TIAM1: variants seen among roughly 807,000 people sequenced by gnomAD.
The protein encoded by TIAM1 is TIAM Rac1 associated GEF 1, also known as rho guanine nucleotide exchange factor TIAM1.
In TIAM1, 65 loss-of-function variants were observed where a neutral mutation model predicts 163.5. The observed-to-expected ratio is 0.40, with a 90% confidence interval of 0.33 to 0.49. The LOEUF is 0.49. Ranked by LOEUF, TIAM1 falls within the 20% of genes least tolerant of loss-of-function variation. TIAM1 has a pLI of 0.77. For missense variants in TIAM1, 1,789 were observed against 2,044.7 expected, an observed-to-expected ratio of 0.87 and a Z score of 2.41; for synonymous variants, 833 against 810.1, an observed-to-expected ratio of 1.03 and a Z score of -0.48.
intron 10 of TIAM1, among the ~76,000 whole-genome samples, chr21:31,210,570 GAAAGAAAGAAA>G (rs2086684483): frequency 8.6e-6 from 1 of 115,936 alleles, no homozygotes; most frequent in Non-Finnish European, 1.6e-5. Context: ...AAGAAAGAAA[GAAAGAAAGAAA>G]GAAAGAAAGA....
chr21:31,125,913 A>C (rs1348142898), intron 26 of TIAM1, among the ~76,000 whole-genome samples: 4 of 152,214 alleles, frequency 2.6e-5, no homozygotes, highest in Non-Finnish European at 5.9e-5. Context: ...GCTAAGTACC[A>C]TCTCTAAGCC....
At chr21:31,425,058 A>AC (rs1723448908) in intron 2 of TIAM1, among the ~76,000 whole-genome samples, 1 of 139,274 alleles carries the variant, frequency 7.2e-6, no homozygotes, top group African/African-American at 3.0e-5. Flanking sequence ...GTCTCAAACA[A>AC]AAAAAAAAAA....
chr21:31,406,251 T>C (rs1430336993), intron 2 of TIAM1, among the ~76,000 whole-genome samples: 1 of 151,300 alleles, frequency 6.6e-6, no homozygotes. Flanking sequence ...CCAGACATCA[T>C]TATAATTTAT....
chr21:31,486,461 C>T (rs1032206133), intron 1 of TIAM1, among the ~76,000 whole-genome samples: 25 of 152,396 alleles, frequency 1.6e-4, no homozygotes, highest in Admixed American at 6.5e-4. Flanking sequence ...AAGGGTGCGT[C>T]AGCACCTCCA....
intron 2 of TIAM1, among the ~76,000 whole-genome samples, chr21:31,388,545 C>T (rs1253347482): frequency 6.6e-6 from 1 of 152,102 alleles, no homozygotes; most frequent in Non-Finnish European, 1.5e-5. Context: ...ATAGTCCCAG[C>T]TCCTCAAGAG....
chr21:31,524,707 G>A (rs1311113140), intron 1 of TIAM1, among the ~76,000 whole-genome samples: 1 of 152,104 alleles, frequency 6.6e-6, no homozygotes, highest in African/African-American at 2.4e-5. Context: ...ATGCCCAAGA[G>A]TTTTATATCC....
chr21:31,342,800 T>C (rs1364607666), intron 1 of TIAM1, among the ~76,000 whole-genome samples: 1 of 152,296 alleles, frequency 6.6e-6, no homozygotes, highest in South Asian at 2.1e-4. Context: ...CTAAGCCATG[T>C]CTGATTTGGT....
chr21:31,228,243 A>G (rs1569068901), intron 6 of TIAM1, among the ~76,000 whole-genome samples: 5 of 51,764 alleles, frequency 9.7e-5, no homozygotes, highest in African/African-American at 2.1e-4. Context: ...AAAAAAAAAA[A>G]AAAAAAAAAA....
In TIAM1 at chr21:31,217,496, G is replaced by C. The variant is rs980442921; in HGVS notation, c.2142+57C>G. 3 of 1,573,532 alleles carry C rather than the reference G, an allele frequency of 1.9e-6. No homozygotes were observed. The African/African-American group carries it at 4.1e-5, about 21-fold the overall frequency. On this transcript the variant is annotated intron_variant, in intron 9 of 27. Coordinates refer to ENST00000541036, the MANE Select transcript of TIAM1 (RefSeq NM_001353694.2). ...TGAAGAAACACACACACCCCAAATT[G>C]AGGTGGCCACAGAAGTGATTTGTGC... is the stretch of plus-strand genomic sequence containing the variant.
rs988106508 is a variant in TIAM1 at position 31,391,351 on chromosome 21, G to A, written c.-368-51929C>T. Among the ~76,000 whole-genome samples, 5 of 152,092 alleles carry A rather than the reference G, an allele frequency of 3.3e-5. No individual in the cohort carries two copies. The East Asian group carries it at 5.8e-4, about 18-fold the overall frequency. Reference sequence around the variant, plus strand: ...GTCGTTATGAAAGTCTAGGCCGGGCGCAATGGCTCACCCCTGTAATCCTAG... The same window carrying A: ...GTCGTTATGAAAGTCTAGGCCGGGCACAATGGCTCACCCCTGTAATCCTAG... On this transcript the variant is annotated intron_variant, in intron 2 of 28. Coordinates refer to the TIAM1 transcript ENST00000286827.
chr21:31,142,463 C>CAAAAAAAAAAAAAA (rs34368848), intron 20 of TIAM1, among the ~76,000 whole-genome samples: 2 of 49,918 alleles, frequency 4.0e-5, no homozygotes, highest in Admixed American at 3.0e-4. Flanking sequence ...ACTAAAAATA[C>CAAAAAAAAAAAAAA]AAAAAAAAAA....
chr21:31,379,778 T>C (rs952894873), intron 2 of TIAM1, among the ~76,000 whole-genome samples: 5 of 152,076 alleles, frequency 3.3e-5, no homozygotes, highest in Non-Finnish European at 5.9e-5. Flanking sequence ...CAAAAAAGAC[T>C]CCATACTGCA....
intron 2 of TIAM1, among the ~76,000 whole-genome samples, chr21:31,358,769 T>C (rs1393331434): frequency 1.3e-5 from 2 of 152,148 alleles, no homozygotes; most frequent in African/African-American, 4.8e-5. Context: ...AGTCTCCCTG[T>C]TTCCACTCTT....
At chr21:31,166,753 G>A (rs563011598) in intron 15 of TIAM1, among the ~76,000 whole-genome samples, 109 of 152,350 alleles carry the variant, frequency 7.2e-4, no homozygotes, top group African/African-American at 2.5e-3. Flanking sequence ...AAGCAAAAGT[G>A]CTTGAATATT....
chr21:31,544,816 A>G (rs1377220536), intron 1 of TIAM1, among the ~76,000 whole-genome samples: 1 of 152,152 alleles, frequency 6.6e-6, no homozygotes, highest in Non-Finnish European at 1.5e-5. Flanking sequence ...GATCGAGACC[A>G]TCCTGGCTAA....
intron 2 of TIAM1, among the ~76,000 whole-genome samples, chr21:31,383,677 C>G (rs2076817665): frequency 6.6e-6 from 1 of 152,182 alleles, no homozygotes; most frequent in South Asian, 2.1e-4. Flanking sequence ...CTACAGGTAT[C>G]ACATCGTATA....
At chr21:31,268,788 T>A (rs1417748407) in intron 3 of TIAM1, among the ~76,000 whole-genome samples, 8 of 152,252 alleles carry the variant, frequency 5.3e-5, no homozygotes, top group Admixed American at 5.2e-4. Flanking sequence ...TGGTACATGC[T>A]ACATTTCTTA....
At chr21:31,205,461 T>C (rs2086400868) in intron 11 of TIAM1, among the ~76,000 whole-genome samples, 1 of 152,196 alleles carries the variant, frequency 6.6e-6, no homozygotes, top group African/African-American at 2.4e-5. Context: ...GAAGTTCTGG[T>C]TCCTGAAACT....
chr21:31,523,848 G>A (rs1052772121), intron 1 of TIAM1, among the ~76,000 whole-genome samples: 1 of 151,722 alleles, frequency 6.6e-6, no homozygotes, highest in Admixed American at 6.6e-5. Flanking sequence ...AACCCGGGAG[G>A]TGGAGGTTGC....
Sources: gnomAD v4.1 joint callset for allele counts (sites outside exome capture counted in the v4.1 genomes callset) on GRCh38, gnomAD v4.1.1 for gene constraint, MANE v1.5 for transcripts, NCBI Gene and HGNC (gene_info 2026-07-23, HGNC 2026-07-21) for gene names.